The following YIF1B variants were observed in gnomAD, a reference collection of about 807,000 sequenced individuals.
The protein encoded by YIF1B is protein YIF1B.
YIF1B carries 24 observed loss-of-function variants against 34.6 expected under a neutral mutation model. The ratio of observed to expected loss-of-function variants is 0.69; its 90% CI spans 0.50 to 0.98. The LOEUF is 0.98. Among genes scored for constraint, YIF1B ranks in the 50% least tolerant of loss-of-function variants. YIF1B has a pLI of 0.00. For synonymous variants in YIF1B, 186 were observed against 184.8 expected (o/e 1.01, Z -0.05); for missense variants, 368 against 429.4 (o/e 0.86, Z 1.26).
At chr19:38,318,828 A>G (rs1969612356), upstream of YIF1B, among the ~76,000 whole-genome samples, 1 of 152,184 alleles carries the variant, frequency 6.6e-6, no homozygotes, top group South Asian at 2.1e-4. Context: ...AAAGGCTGTC[A>G]GGAAGGCGCT....
intron 1 of YIF1B, among the ~76,000 whole-genome samples, chr19:38,311,085 A>G (rs945324134): frequency 6.6e-6 from 1 of 152,026 alleles, no homozygotes; most frequent in African/African-American, 2.4e-5. Flanking sequence ...ATCAATGAAT[A>G]AAGGCAGCCT....
chr19:38,305,102 G>A lies in YIF1B; in HGVS notation c.*250C>T. The A allele has an allele frequency of 1.4e-5, 21 of 1,477,292 alleles. No homozygotes were observed. The highest frequency in any genetic ancestry group is 1.8e-5 in the Non-Finnish European group (20 of 1,105,834). 91.5% of individuals were successfully genotyped at this position (1,477,292 alleles called of 1,614,324 possible). A position where few individuals can be genotyped will look rare whatever the true frequency, so the allele number is the denominator to read the frequency against. ...GCCCATTCGTGCGCGAGGCCAAGGA[G>A]AGGCTGTCCACGCCATGCCCATCAG... On this transcript the variant is annotated 3_prime_UTR_variant, in exon 8 of 8. Transcript: ENST00000339413.
rs1372250974 is a variant in YIF1B, at chr19:38,308,864, C to T, written c.482-15G>A. ...GAAAGCCATTGCTGTGGGAGACAGA[C>T]ACACAGACACTGGTCACCAGAGGAA... On this transcript the variant is annotated splice_polypyrimidine_tract_variant and intron_variant, in intron 4 of 7. Transcript: ENST00000339413. 2 of 1,613,946 alleles carry T rather than the reference C, an allele frequency of 1.2e-6. No individual in the cohort carries two copies. Among genetic ancestry groups the T allele is most frequent in the Non-Finnish European group, 1.7e-6 (2 of 1,179,904 alleles).
At chr19:38,307,560 A>G (rs773917082) in intron 6 of YIF1B, 37 bp downstream of exon 6, 3 of 1,613,708 alleles carry the variant, frequency 1.9e-6, no homozygotes, top group East Asian at 2.2e-5. Context: ...GACAAGGCCC[A>G]AGGGCTGGGG....
chr19:38,309,088 C>T, intron 3 of YIF1B, 31 bp from the exon 4 acceptor site: 1 of 1,553,886 alleles, frequency 6.4e-7, no homozygotes, highest in Non-Finnish European at 8.7e-7. Flanking sequence ...GCAGGACCCT[C>T]AGAGCCAGGC....
rs574129002 is a variant in YIF1B at position 38,314,227 on chromosome 19, C to G, written c.58+1633G>C. On this transcript the variant is annotated intron_variant, in intron 1 of 7. Coordinates refer to ENST00000339413, the MANE Select transcript of YIF1B (RefSeq NM_001039672.3). ...TTTTTTTTTTTGAGATGGAGTCTCA[C>G]TCTGTCACCCAGGCTGGAGTGCAGT... is the stretch of plus-strand genomic sequence containing the variant. Among the ~76,000 whole-genome samples the G allele has an allele frequency of 3.1e-4, 44 of 142,170 alleles. No homozygotes were observed. In the East Asian group the frequency reaches 5.6e-3, roughly 18 times the overall value. 93.3% of individuals were successfully genotyped at this position (142,170 alleles called of 152,430 possible).
chr19:38,303,859 C>T lies in YIF1B; in HGVS notation c.*1493G>A, dbSNP rs1160512903. ...TGTGGGAGCGAGTTAGAACACGGGA[C>T]GCCCCTGGCAGCAGCGCCCTGCGTG... On this transcript the variant is annotated 3_prime_UTR_variant, in exon 8 of 8. Transcript: ENST00000339413. Among the ~76,000 whole-genome samples the T allele has an allele frequency of 1.3e-5, 2 of 152,236 alleles. No individual in the cohort carries two copies. Among genetic ancestry groups the T allele is most frequent in the Admixed American group, 6.5e-5 (1 of 15,286 alleles).
intron 1 of YIF1B, among the ~76,000 whole-genome samples, chr19:38,311,538 AAAGC>A (rs1482138004): frequency 2.0e-5 from 3 of 152,306 alleles, no homozygotes; most frequent in African/African-American, 7.2e-5. Flanking sequence ...ACATATGAGA[AAAGC>A]AAGCCCTAAA....
At chr19:38,320,370 C>G, upstream of YIF1B, 1 of 1,289,346 alleles carries the variant, frequency 7.8e-7, no homozygotes, top group South Asian at 1.3e-5. Flanking sequence ...ACCCTTATCC[C>G]AATCCCCTCT....
chr19:38,307,511 C>A lies in YIF1B; in HGVS notation c.706G>T (p.Gly236Trp). 6.2e-7 allele frequency: 1 copy of A among 1,613,892 alleles called. No individual in the cohort carries two copies. Among genetic ancestry groups the A allele is most frequent in the Non-Finnish European group, 8.5e-7 (1 of 1,180,008 alleles). The change falls in exon 7 of 8, where the codon GGG becomes TGG. Residue 236 changes from glycine to tryptophan, a missense_variant. Transcript: ENST00000339413. ...CCGAAGAGCAGGCCCATGAGGACCC[C>A]GCCAATCATCCTGGGGGAGGGAGAG... ...LGYKYVGMIG[G>W]VLMGLLFGKI... is the part of the protein sequence containing the mutation.
chr19:38,312,130 A>C (rs528776694), intron 1 of YIF1B, among the ~76,000 whole-genome samples: 14 of 151,290 alleles, frequency 9.3e-5, no homozygotes, highest in Admixed American at 9.2e-4. Context: ...CAAAACAAAA[A>C]ACGTGGTAAG....
chr19:38,309,469 G>C lies in YIF1B; in HGVS notation c.233C>G (p.Ser78Cys). The stretch of plus-strand genomic sequence containing the variant: ...GCTCCCATAGGCCATGGCCATGTTG[G>C]ACACCGGGTCAGCCAGGAAGGCTGC... ...PHAAFLADPV[S>C]NMAMAYGSSL... Residue 78 changes from serine (S) to cysteine (C), a missense_variant, in exon 2 of 8, where the codon TCC becomes TGC. This residue lies in a region of YIF1B where 153 missense variants were observed against 156.7 expected (regional missense o/e 0.98). Transcript: ENST00000339413. The C allele has an allele frequency of 6.2e-7, 1 of 1,614,042 alleles. No homozygotes were observed.
At position 38,307,662 on chromosome 19, in the gene YIF1B, C is replaced by A. The variant is rs148496936; in HGVS notation, c.630G>T (p.Leu210=). ...TGGTGAGGTCGGTGTTGACAGTGAC[C>A]AGATAGAGGCTGAGCAGGATGGCCA... The part of the protein sequence containing the change: ...EVLAILLSLY[L]VTVNTDLTTI... The change falls in exon 6 of 8, where the codon CTG becomes CTT. Residue 210 remains leucine (L), a synonymous_variant. Coordinates refer to ENST00000339413, the MANE Select transcript of YIF1B (RefSeq NM_001039672.3). 6.2e-7 allele frequency: 1 copy of A among 1,613,750 alleles called. No homozygotes were observed. Among genetic ancestry groups the A allele is most frequent in the African/African-American group, 1.3e-5 (1 of 74,964 alleles).
chr19:38,316,650 G>A (rs148660092), upstream of YIF1B, among the ~76,000 whole-genome samples: 6 of 152,296 alleles, frequency 3.9e-5, no homozygotes, highest in East Asian at 7.7e-4. Flanking sequence ...AATTGGAGTT[G>A]TAGGGGCTTA....
Position 38,304,234 on chromosome 19 carries a change from G to A in YIF1B, c.*1118C>T. 2 of 1,613,270 alleles carry A rather than the reference G, an allele frequency of 1.2e-6. No individual in the cohort carries two copies. Among genetic ancestry groups the A allele is most frequent in the Non-Finnish European group, 1.7e-6 (2 of 1,179,984 alleles). ...CCTCTGCAGGGCCCAGGCGCCCTTG[G>A]CCTTAGGACCCAACTTCTCTTACCG... On this transcript the variant is annotated 3_prime_UTR_variant, in exon 8 of 8. Transcript: ENST00000339413.
At chr19:38,315,815 C>A (rs771891710) in intron 1 of YIF1B, 45 bp downstream of exon 1, 1 of 1,514,398 alleles carries the variant, frequency 6.6e-7, no homozygotes, top group East Asian at 2.7e-5. Context: ...ACGCGGCCGC[C>A]CCGCCACGCC....
At position 38,304,637 on chromosome 19, in the gene YIF1B, G is replaced by A; in HGVS notation, c.*715C>T. 6.2e-7 allele frequency: 1 copy of A among 1,613,560 alleles called. No individual in the cohort carries two copies. Among genetic ancestry groups the A allele is most frequent in the Non-Finnish European group, 8.5e-7 (1 of 1,179,992 alleles). On this transcript the variant is annotated 3_prime_UTR_variant, in exon 8 of 8. Coordinates refer to ENST00000339413, the MANE Select transcript of YIF1B (RefSeq NM_001039672.3). The stretch of plus-strand genomic sequence containing the variant: ...ACCTCCATCCAGCAAGGACACCACA[G>A]CTCTTCCGACTCCAGCAGCAGCTCC...
chr19:38,315,981 C>T (rs1311684760), upstream of YIF1B: 6 of 1,369,326 alleles, frequency 4.4e-6, no homozygotes, highest in African/African-American at 3.1e-5. Context: ...TACCCACGCC[C>T]CGCCGGCGAA....
chr19:38,305,177 C>T lies in YIF1B; in HGVS notation c.*175G>A. ...CCACGCCCTGGGGCGGTGGCCTGTG[C>T]AGCTGGAGATCTCTCAGCACCTTGG... On this transcript the variant is annotated 3_prime_UTR_variant, in exon 8 of 8. Transcript: ENST00000339413. 7.3e-7 allele frequency: 1 copy of T among 1,370,164 alleles called. No individual in the cohort carries two copies. The highest frequency in any genetic ancestry group is 2.7e-4 in the Middle Eastern group (1 of 3,770). 84.9% of individuals were successfully genotyped at this position (1,370,164 alleles called of 1,614,324 possible).
Sources: allele counts gnomAD v4.1 joint callset (sites outside exome capture counted in the v4.1 genomes callset), GRCh38; gene constraint gnomAD v4.1.1; regional missense constraint gnomAD v4.1.1; transcripts MANE v1.5; gene names NCBI Gene and HGNC (gene_info 2026-07-23, HGNC 2026-07-21).